The following GAS6 variants were observed in gnomAD, a reference collection of about 807,000 sequenced individuals.
The protein encoded by GAS6 is growth arrest-specific protein 6.
In GAS6, 41 loss-of-function variants were observed where a neutral mutation model predicts 75.8. The observed-to-expected ratio is 0.54, with a 90% CI of 0.42 to 0.70. The LOEUF (loss-of-function observed/expected upper bound fraction) is 0.70, where lower values mean the gene tolerates loss of function less well. GAS6 is among the 30% of genes least tolerant of loss of function. GAS6 has a pLI of 0.00. For missense variants in GAS6, 854 were observed against 940.2 expected, an observed-to-expected ratio of 0.91 and a Z score of 1.20; for synonymous variants, 432 against 412.6, an observed-to-expected ratio of 1.05 and a Z score of -0.57.
At chr13:113,834,494 AC>A in intron 8 of GAS6, 56 bp downstream of exon 8, 1 of 1,428,782 alleles carries the variant, frequency 7.0e-7, no homozygotes. Flanking sequence ...GAAAGCCCCC[AC>A]CGGCGAGGGC....
chr13:113,832,723 C>A lies in GAS6; in HGVS notation c.864G>T (p.Val288=). Residue 288 remains valine, a synonymous_variant, in exon 9 of 15, where the codon GTG becomes GTT. Coordinates refer to ENST00000327773, the MANE Select transcript of GAS6 (RefSeq NM_000820.4). The stretch of plus-strand genomic sequence containing the variant: ...GGTACAAGGACTTCACACTCTTGGC[C>A]ACGCTGAAGGGCACGCACGGCAAGA... The part of the protein sequence containing the change: ...EDILPCVPFS[V]AKSVKSLYLG... The A allele has an allele frequency of 6.2e-7, 1 of 1,612,746 alleles. No homozygotes were observed. Among genetic ancestry groups the A allele is most frequent in the South Asian group, 1.1e-5 (1 of 91,086 alleles).
chr13:113,856,048 AAC>A (rs1256042261), intron 2 of GAS6, among the ~76,000 whole-genome samples: 1 of 152,198 alleles, frequency 6.6e-6, no homozygotes, highest in African/African-American at 2.4e-5. Flanking sequence ...ACTGAGCAGC[AAC>A]ACTCAAGTTC....
intron 8 of GAS6, 82 bp from the exon 9 acceptor site, chr13:113,832,834 G>A (rs556312400): frequency 5.6e-5 from 89 of 1,599,956 alleles, no homozygotes; most frequent in South Asian, 2.9e-4. Context: ...GCCGCGCAGC[G>A]GGTCCACTGT....
chr13:113,839,685 G>A (rs764547779), intron 5 of GAS6, 43 bp downstream of exon 5: 126 of 1,606,526 alleles, frequency 7.8e-5, no homozygotes, highest in South Asian at 1.8e-4. Context: ...GGGCAGGGTC[G>A]GAGATGGAGG....
In GAS6 at chr13:113,820,887, G is replaced by C. The variant is rs41307844; in HGVS notation, c.2014C>G (p.Pro672Ala). 171 of 1,611,308 alleles carry C rather than the reference G, an allele frequency of 1.1e-4. No homozygotes were observed. Among genetic ancestry groups the C allele is most frequent in the Middle Eastern group, 3.6e-4 (2 of 5,552 alleles). Reference protein sequence around the residue: ...HSDITAHSCPPVEPAAA With the variant: ...HSDITAHSCPAVEPAAA ...GCCTAGGCTGCGGCGGGCTCCACGGGGGGGCAGGAGTGGGCCGTGATGTCG... is the reference window on the plus strand; with the variant it reads ...GCCTAGGCTGCGGCGGGCTCCACGGCGGGGCAGGAGTGGGCCGTGATGTCG... The change falls in exon 15 of 15, where the codon CCC becomes GCC. Residue 672 changes from proline to alanine, a missense_variant. Coordinates refer to ENST00000327773, the MANE Select transcript of GAS6 (RefSeq NM_000820.4).
At chr13:113,847,011 C>T (rs1387665954) in intron 3 of GAS6, 1 of 507,684 alleles carries the variant, frequency 2.0e-6, no homozygotes, top group Non-Finnish European at 3.9e-6. Context: ...TGCTCTCTGG[C>T]TGGCTGAACA....
At chr13:113,826,044 G>A (rs968349914) in intron 12 of GAS6, among the ~76,000 whole-genome samples, 4 of 152,174 alleles carry the variant, frequency 2.6e-5, no homozygotes, top group Non-Finnish European at 5.9e-5. Context: ...TGGGGCCCAC[G>A]TGGGGTGGGA....
intron 2 of GAS6, among the ~76,000 whole-genome samples, chr13:113,859,053 A>T (rs1203966589): frequency 2.4e-5 from 3 of 123,914 alleles, no homozygotes; most frequent in Admixed American, 7.8e-5. Flanking sequence ...ACAGTGTGTG[A>T]CTGTGTGTAC....
intron 12 of GAS6, among the ~76,000 whole-genome samples, chr13:113,826,381 CCCCGG>C (rs1413630887): frequency 6.6e-6 from 1 of 151,754 alleles, no homozygotes; most frequent in African/African-American, 2.4e-5. Context: ...CTCCCAGCCT[CCCCGG>C]CCTCGCAGGC....
intron 4 of GAS6, 132 bp downstream of exon 4, chr13:113,846,395 G>A: frequency 1.5e-6 from 1 of 674,776 alleles, no homozygotes; most frequent in Non-Finnish European, 2.5e-6. Flanking sequence ...GGCGAAAAGG[G>A]AGCAGGCCTC....
chr13:113,846,698 G>A lies in GAS6; in HGVS notation c.281-109C>T. On this transcript the variant is annotated intron_variant, in intron 3 of 14. Coordinates refer to ENST00000327773, the MANE Select transcript of GAS6 (RefSeq NM_000820.4). Reference sequence around the variant, plus strand: ...GAGGCAGTTACTCTGCTTACCTGGGGTGCTATCATCCTCCAGAAACAATGC... The same window carrying A: ...GAGGCAGTTACTCTGCTTACCTGGGATGCTATCATCCTCCAGAAACAATGC... The A allele has an allele frequency of 3.5e-6, 3 of 852,972 alleles. No individual in the cohort carries two copies. In the South Asian group the frequency reaches 4.2e-5, roughly 12 times the overall value. 52.8% of individuals were successfully genotyped at this position (852,972 alleles called of 1,614,324 possible). A position where few individuals can be genotyped will look rare whatever the true frequency, so the allele number is the denominator to read the frequency against.
chr13:113,828,465 AG>A, intron 11 of GAS6, 81 bp downstream of exon 11: 2 of 1,423,184 alleles, frequency 1.4e-6, no homozygotes, highest in Non-Finnish European at 1.9e-6. Flanking sequence ...AACACAGGGC[AG>A]GGTGTGACTG....
At chr13:113,861,830 T>G (rs1258959525) in intron 2 of GAS6, among the ~76,000 whole-genome samples, 1 of 152,042 alleles carries the variant, frequency 6.6e-6, no homozygotes, top group Admixed American at 6.5e-5. Flanking sequence ...TTGTTATCAT[T>G]TGGCATGGGG....
intron 6 of GAS6, 54 bp from the exon 7 acceptor site, chr13:113,835,689 C>A: frequency 6.3e-7 from 1 of 1,591,534 alleles, no homozygotes. Context: ...TCAGACGGGG[C>A]TGGGGCAGGC....
chr13:113,828,803 C>G, intron 10 of GAS6, 92 bp from the exon 11 acceptor site: 2 of 1,443,456 alleles, frequency 1.4e-6, no homozygotes, highest in Non-Finnish European at 1.9e-6. Flanking sequence ...TCTCCTGAGC[C>G]AAGAGGGTCC....
chr13:113,841,452 C>CACA (rs2051774835), intron 4 of GAS6: 1 of 106,398 alleles, frequency 9.4e-6, no homozygotes, highest in Non-Finnish European at 2.1e-5. Flanking sequence ...CGTACACCCG[C>CACA]GTTTCCTCCG....
intron 13 of GAS6, chr13:113,823,024 G>T: frequency 1.0e-5 from 2 of 197,614 alleles, no homozygotes; most frequent in Non-Finnish European, 2.0e-5. Flanking sequence ...CAGGGAAATT[G>T]GAAAACTGAG....
chr13:113,858,038 G>A (rs933827790), intron 2 of GAS6, among the ~76,000 whole-genome samples: 5 of 152,246 alleles, frequency 3.3e-5, no homozygotes, highest in Admixed American at 6.5e-5. Context: ...ACAGGGCTCC[G>A]GCCCCTCAGG....
intron 12 of GAS6, among the ~76,000 whole-genome samples, chr13:113,825,298 G>C (rs960506160): frequency 6.7e-6 from 1 of 149,834 alleles, no homozygotes; most frequent in African/African-American, 2.5e-5. Context: ...GTTGGCCATC[G>C]GGGCTTCACA....
Sources: gnomAD v4.1 joint callset for allele counts (sites outside exome capture counted in the v4.1 genomes callset) on GRCh38, gnomAD v4.1.1 for gene constraint, MANE v1.5 for transcripts, NCBI Gene and HGNC (gene_info 2026-07-23, HGNC 2026-07-21) for gene names.